Variants in ADGRL4 observed in about 807,000 individuals in gnomAD.
ADGRL4 encodes the protein EGF, latrophilin and seven transmembrane domain containing 1.
Under a neutral mutation model 74.8 loss-of-function variants are expected in ADGRL4, and 90 were observed. That is an observed-to-expected ratio of 1.20 (90% CI 1.02 to 1.43). The LOEUF is 1.43. ADGRL4 is among the 40% of genes most tolerant of loss of function. The probability of loss-of-function intolerance (pLI) is 0.00; values close to 1 mark genes in which losing one functional copy is unlikely to be tolerated. For missense variants in ADGRL4, 881 were observed against 814.3 expected, an observed-to-expected ratio of 1.08 and a Z score of -1.00; for synonymous variants, 311 against 279.2, an observed-to-expected ratio of 1.11 and a Z score of -1.14.
At chr1:78,915,810 A>G (rs929886362) in intron 12 of ADGRL4, among the ~76,000 whole-genome samples, 7 of 151,948 alleles carry the variant, frequency 4.6e-5, no homozygotes, top group East Asian at 3.9e-4. Context: ...TAATAGTAAT[A>G]TGCAAGCATT....
chr1:78,935,841 G>T lies in ADGRL4; in HGVS notation c.877+454C>A, dbSNP rs1473491634. Among the ~76,000 whole-genome samples, 3 of 105,476 alleles carry T rather than the reference G, an allele frequency of 2.8e-5. 1 individual carries two copies. Among genetic ancestry groups the T allele is most frequent in the Non-Finnish European group, 6.5e-5 (3 of 45,882 alleles). 69.2% of individuals were successfully genotyped at this position (105,476 alleles called of 152,430 possible). A position where few individuals can be genotyped will look rare whatever the true frequency, so the allele number is the denominator to read the frequency against. On this transcript the variant is annotated intron_variant, in intron 7 of 14. Transcript: ENST00000370742. Reference sequence around the variant, plus strand: ...TCTCAAGTAAGAATATGGATATTCTGGGCCGGGCGCGGTGGCTCACGCTTG... The same window carrying T: ...TCTCAAGTAAGAATATGGATATTCTTGGCCGGGCGCGGTGGCTCACGCTTG...
chr1:78,991,377 A>G (rs1650604929), intron 2 of ADGRL4, among the ~76,000 whole-genome samples: 1 of 152,002 alleles, frequency 6.6e-6, no homozygotes, highest in Non-Finnish European at 1.5e-5. Context: ...AGAATTTACA[A>G]ATTTCACAAT....
In ADGRL4 at chr1:78,899,412, C is replaced by T. The variant is rs569431809; in HGVS notation, c.1750-6223G>A. ...CTCTGTTGCCCAGGCTGGAGTGCAG[C>T]GGTGCAATCATAGTCCACTGCAACC... On this transcript the variant is annotated intron_variant, in intron 12 of 14. Coordinates refer to ENST00000370742, the MANE Select transcript of ADGRL4 (RefSeq NM_022159.4). 6.6e-5 allele frequency among the ~76,000 whole-genome samples: 10 copies of T among 152,172 alleles called. No homozygotes were observed. In the South Asian group the frequency reaches 1.5e-3, roughly 22 times the overall value.
intron 12 of ADGRL4, among the ~76,000 whole-genome samples, chr1:78,916,698 C>T (rs374501473): frequency 6.6e-6 from 1 of 151,688 alleles, no homozygotes; most frequent in Non-Finnish European, 1.5e-5. Context: ...ACCCTCACAA[C>T]CATAAAAAAC....
At chr1:78,952,209 T>C (rs1649744168) in intron 2 of ADGRL4, among the ~76,000 whole-genome samples, 1 of 152,076 alleles carries the variant, frequency 6.6e-6, no homozygotes, top group Admixed American at 6.6e-5. Context: ...GTACACATTT[T>C]CCCTCTGGAC....
chr1:78,924,579 C>T (rs1038558156), intron 8 of ADGRL4, among the ~76,000 whole-genome samples: 1 of 151,938 alleles, frequency 6.6e-6, no homozygotes, highest in East Asian at 1.9e-4. Context: ...AAGGATGTCT[C>T]CAAGACAACA....
At chr1:78,946,123 A>G in intron 3 of ADGRL4, 151 bp downstream of exon 3, 1 of 486,606 alleles carries the variant, frequency 2.1e-6, no homozygotes, top group Admixed American at 4.2e-5. Flanking sequence ...AAAACACTGG[A>G]GAAATAAGGA....
chr1:78,945,736 TG>T (rs2100695051), intron 3 of ADGRL4, among the ~76,000 whole-genome samples: 1 of 152,306 alleles, frequency 6.6e-6, no homozygotes, highest in South Asian at 2.1e-4. Context: ...TGACCCTACA[TG>T]ATTTTATAAA....
intron 2 of ADGRL4, among the ~76,000 whole-genome samples, chr1:78,967,841 T>A (rs537843905): frequency 1.9e-3 from 285 of 150,324 alleles, no homozygotes; most frequent in African/African-American, 6.7e-3. Context: ...AAAAAAAAAA[T>A]AATAACTTAT....
intron 2 of ADGRL4, among the ~76,000 whole-genome samples, chr1:78,947,820 T>G (rs1156943367): frequency 1.3e-5 from 2 of 152,032 alleles, no homozygotes; most frequent in Non-Finnish European, 2.9e-5. Context: ...CAAGTCAGGT[T>G]TGAAAAATGT....
chr1:78,901,817 T>G lies in ADGRL4; in HGVS notation c.1750-8628A>C, dbSNP rs145345678. ...GCTAACACCATGAGCCTCATCATGT[T>G]CAGCACTCACTAGGGTCAGGATTTA... On this transcript the variant is annotated intron_variant, in intron 12 of 14. Transcript: ENST00000370742. Among the ~76,000 whole-genome samples the G allele has an allele frequency of 4.1e-4, 63 of 152,316 alleles. No homozygotes were observed. The East Asian group carries it at 0.012, about 28-fold the overall frequency.
chr1:78,899,779 A>G (rs1268055100), intron 12 of ADGRL4, among the ~76,000 whole-genome samples: 4 of 151,456 alleles, frequency 2.6e-5, no homozygotes, highest in African/African-American at 9.7e-5. Flanking sequence ...TTTTTTAACC[A>G]TTTCCCAATT....
Position 78,960,283 on chromosome 1 carries a change from T to C in ADGRL4, c.173-13857A>G, listed in dbSNP as rs539103186. On this transcript the variant is annotated intron_variant, in intron 2 of 14. Coordinates refer to ENST00000370742, the MANE Select transcript of ADGRL4 (RefSeq NM_022159.4). Reference sequence around the variant, plus strand: ...ACTAGTCCGATTTTAAAACCATACCTGTATACATGGCACTTTATGATTTTA... The same window carrying C: ...ACTAGTCCGATTTTAAAACCATACCCGTATACATGGCACTTTATGATTTTA... 3.9e-5 allele frequency among the ~76,000 whole-genome samples: 6 copies of C among 152,330 alleles called. No individual in the cohort carries two copies. The South Asian group carries it at 6.2e-4, about 16-fold the overall frequency.
chr1:78,988,987 A>G (rs960451244), intron 2 of ADGRL4, among the ~76,000 whole-genome samples: 5 of 151,844 alleles, frequency 3.3e-5, no homozygotes, highest in Admixed American at 6.6e-5. Flanking sequence ...GAAACTTCAT[A>G]TATACTAAAA....
intron 2 of ADGRL4, among the ~76,000 whole-genome samples, chr1:78,960,271 TAAAACCATACC>T (rs1649923564): frequency 2.6e-5 from 4 of 152,340 alleles, no homozygotes; most frequent in African/African-American, 9.6e-5. Context: ...AGTCCGATTT[TAAAACCATACC>T]TGTATACATG....
intron 3 of ADGRL4, among the ~76,000 whole-genome samples, 153 bp from the exon 4 acceptor site, chr1:78,939,411 T>C (rs965759462): frequency 6.6e-6 from 1 of 152,232 alleles, no homozygotes; most frequent in Middle Eastern, 3.4e-3. Context: ...GAATGTGCAA[T>C]ATTTTACAGA....
intron 2 of ADGRL4, among the ~76,000 whole-genome samples, chr1:79,004,269 C>T (rs1400586644): frequency 9.3e-6 from 1 of 107,064 alleles, no homozygotes; most frequent in Non-Finnish European, 2.1e-5. Flanking sequence ...TAGTACTTTT[C>T]TCTCTCTCTC....
intron 2 of ADGRL4, among the ~76,000 whole-genome samples, chr1:78,959,660 T>C (rs1649905317): frequency 6.6e-6 from 1 of 152,222 alleles, no homozygotes; most frequent in Admixed American, 6.5e-5. Flanking sequence ...ATAGAAGTGA[T>C]GAAATTCAAT....
At chr1:78,909,736 G>A (rs999646490) in intron 12 of ADGRL4, among the ~76,000 whole-genome samples, 27 of 151,720 alleles carry the variant, frequency 1.8e-4, no homozygotes, top group Non-Finnish European at 3.8e-4. Flanking sequence ...TTGTTTTGAA[G>A]GACAATTTGT....
Sources: gnomAD v4.1 joint callset for allele counts (sites outside exome capture counted in the v4.1 genomes callset) on GRCh38, gnomAD v4.1.1 for gene constraint, MANE v1.5 for transcripts, NCBI Gene and HGNC (gene_info 2026-07-23, HGNC 2026-07-21) for gene names.